The following PPM1G variants were observed in gnomAD, a reference collection of about 807,000 sequenced individuals.
PPM1G encodes protein phosphatase 1G.
In PPM1G, 12 loss-of-function variants were observed where a neutral mutation model predicts 59.4. The observed-to-expected ratio is 0.20, with a 90% CI of 0.13 to 0.33. The LOEUF (loss-of-function observed/expected upper bound fraction) is 0.33, where lower values mean the gene tolerates loss of function less well. Ranked by LOEUF, PPM1G falls within the 10% of genes least tolerant of loss-of-function variation. The probability of loss-of-function intolerance (pLI) is 1.00; values close to 1 mark genes in which losing one functional copy is unlikely to be tolerated. For synonymous variants in PPM1G, 245 were observed against 251.9 expected (o/e 0.97, Z 0.26); for missense variants, 392 against 681.3 (o/e 0.58, Z 4.73).
chr2:27,388,137 G>A (rs923773433), intron 1 of PPM1G, among the ~76,000 whole-genome samples: 6 of 152,042 alleles, frequency 3.9e-5, no homozygotes, highest in South Asian at 4.2e-4. Context: ...GAGGCCAGGC[G>A]TGGTGGCTCA....
chr2:27,402,936 T>A (rs1684220320), intron 1 of PPM1G, among the ~76,000 whole-genome samples: 1 of 139,124 alleles, frequency 7.2e-6, no homozygotes, highest in East Asian at 2.1e-4. Context: ...AAAAAAAAAA[T>A]TAGCCAGTCA....
At chr2:27,381,844 A>G (rs374330489) in intron 9 of PPM1G, 39 bp from the exon 10 acceptor site, 32 of 1,595,730 alleles carry the variant, frequency 2.0e-5, no homozygotes, top group Non-Finnish European at 2.4e-5. Context: ...ACAGGGTTTG[A>G]ACACCTTGCC....
rs1019446354 is a variant in PPM1G, at chr2:27,384,208, T to C, written c.826-116A>G. The C allele has an allele frequency of 4.0e-6, 6 of 1,508,778 alleles. No homozygotes were observed. Among genetic ancestry groups the C allele is most frequent in the Non-Finnish European group, 5.4e-6 (6 of 1,117,320 alleles). The allele number at this position is 1,508,778 out of a possible 1,614,324, so 93.5% of individuals were successfully genotyped here. ...CACAGGTCCTCAAAACACTGAAAGATACAAGTATATGGTCATGAAAATTGG... is the reference window on the plus strand; with the variant it reads ...CACAGGTCCTCAAAACACTGAAAGACACAAGTATATGGTCATGAAAATTGG... On this transcript the variant is annotated intron_variant, in intron 5 of 9. Transcript: ENST00000344034. The surrounding 1 kb of genome is among the most constrained non-coding windows in gnomAD (Gnocchi z 4.8).
chr2:27,385,123 C>G lies in PPM1G; in HGVS notation c.410-35G>C, dbSNP rs1259353291. The G allele has an allele frequency of 1.3e-6, 2 of 1,540,622 alleles. No homozygotes were observed. Among genetic ancestry groups the G allele is most frequent in the African/African-American group, 1.4e-5 (1 of 72,906 alleles). ...AGAGGCTAAATCAGAGCCCCCATGC[C>G]AGACTCCTCATGGGATCCGTCCCTC... On this transcript the variant is annotated intron_variant, in intron 4 of 9. Transcript: ENST00000344034. The surrounding 1 kb of genome is among the most constrained non-coding windows in gnomAD (Gnocchi z 4.1).
In PPM1G at chr2:27,385,140, C is replaced by T. The variant is rs1413749970; in HGVS notation, c.410-52G>A. The T allele has an allele frequency of 2.0e-6, 3 of 1,515,010 alleles. No homozygotes were observed. The highest frequency in any genetic ancestry group is 2.6e-6 in the Non-Finnish European group (3 of 1,138,066). 93.8% of individuals were successfully genotyped at this position (1,515,010 alleles called of 1,614,324 possible). A position where few individuals can be genotyped will look rare whatever the true frequency, so the allele number is the denominator to read the frequency against. ...CCCCATGCCAGACTCCTCATGGGATCCGTCCCTCTCACTACCTCAACAGCC... is the reference window on the plus strand; with the variant it reads ...CCCCATGCCAGACTCCTCATGGGATTCGTCCCTCTCACTACCTCAACAGCC... On this transcript the variant is annotated intron_variant, in intron 4 of 9. Transcript: ENST00000344034. This position sits in a 1 kb window ranked among gnomAD's most constrained non-coding sequence, Gnocchi z 4.1.
intron 1 of PPM1G, among the ~76,000 whole-genome samples, chr2:27,388,272 G>A (rs1016479874): frequency 9.3e-5 from 14 of 151,252 alleles, no homozygotes; most frequent in Non-Finnish European, 2.1e-4. Context: ...AGCCAGGCGT[G>A]GTGGTGTGCG....
In PPM1G at chr2:27,409,440, G is replaced by A. The variant is rs913871823; in HGVS notation, c.-18C>T. 2 of 1,499,866 alleles carry A rather than the reference G, an allele frequency of 1.3e-6. No individual in the cohort carries two copies. The highest frequency in any genetic ancestry group is 2.3e-5 in the Admixed American group (1 of 44,360). The allele number at this position is 1,499,866 out of a possible 1,614,324, so 92.9% of individuals were successfully genotyped here. On this transcript the variant is annotated 5_prime_UTR_variant, in exon 1 of 10. Coordinates refer to ENST00000344034, the MANE Select transcript of PPM1G (RefSeq NM_177983.3). The stretch of plus-strand genomic sequence containing the variant: ...GCACCCATGGCGGCGGCTGGCCGGC[G>A]GCCTCAGGTGCAGGAAAGCTGGGCG...
At chr2:27,397,961 G>A (rs1289371527) in intron 1 of PPM1G, among the ~76,000 whole-genome samples, 2 of 152,106 alleles carry the variant, frequency 1.3e-5, no homozygotes, top group African/African-American at 4.8e-5. Context: ...CAGTCAGCCA[G>A]GCACGGTGGC....
At chr2:27,387,237 T>C in intron 1 of PPM1G, 79 bp from the exon 2 acceptor site, 2 of 1,180,396 alleles carry the variant, frequency 1.7e-6, no homozygotes, top group Non-Finnish European at 2.5e-6. Flanking sequence ...TGTCACCCCT[T>C]ACTAACCTTT....
At chr2:27,409,208 G>A in intron 1 of PPM1G, 95 bp downstream of exon 1, 1 of 1,447,168 alleles carries the variant, frequency 6.9e-7, no homozygotes, top group Non-Finnish European at 9.1e-7. Context: ...GCTCCCAATT[G>A]GGACCCTTCC....
At chr2:27,393,081 C>T in intron 1 of PPM1G, 3 of 1,257,424 alleles carry the variant, frequency 2.4e-6, no homozygotes, top group Non-Finnish European at 3.5e-6. Context: ...GCTCTCCCAT[C>T]GCATTCTCCC....
chr2:27,382,014 G>T lies in PPM1G; in HGVS notation c.1434+112C>A. 1.7e-6 allele frequency: 2 copies of T among 1,154,660 alleles called. No homozygotes were observed. Among genetic ancestry groups the T allele is most frequent in the Non-Finnish European group, 2.5e-6 (2 of 785,000 alleles). 71.5% of individuals were successfully genotyped at this position (1,154,660 alleles called of 1,614,324 possible). ...TGGAACTTTGGAGTCGGGGTTTAGCGTCTGTCAGCAATTACTGATAATGCT... is the reference window on the plus strand; with the variant it reads ...TGGAACTTTGGAGTCGGGGTTTAGCTTCTGTCAGCAATTACTGATAATGCT... On this transcript the variant is annotated intron_variant, in intron 9 of 9. Coordinates refer to ENST00000344034, the MANE Select transcript of PPM1G (RefSeq NM_177983.3). The surrounding 1 kb of genome is among the most constrained non-coding windows in gnomAD (Gnocchi z 4.2).
intron 1 of PPM1G, among the ~76,000 whole-genome samples, chr2:27,391,724 CTTTT>C (rs1257019914): frequency 1.3e-5 from 2 of 150,122 alleles, no homozygotes; most frequent in Admixed American, 1.3e-4. Context: ...ACAGGATGTT[CTTTT>C]TTTCTTTCTT....
rs757622317 is a variant in PPM1G, at chr2:27,384,856, AAAGC to A, written c.638_641del (p.Gly213ValfsTer99). On this transcript the variant is annotated frameshift_variant, in exon 5 of 10. Transcript: ENST00000344034. LOFTEE classifies it high-confidence loss of function. This position sits in a 1 kb window ranked among gnomAD's most constrained non-coding sequence, Gnocchi z 4.8. ...CAGTCCCACGTTCCGAGTTGGAGGAAAAGCCTGTGTAGGCCTTGGCTGTGGGGCC... is the reference window on the plus strand; with the variant it reads ...CAGTCCCACGTTCCGAGTTGGAGGAACTGTGTAGGCCTTGGCTGTGGGGCC... 4.3e-6 allele frequency: 7 copies of A among 1,614,232 alleles called. No homozygotes were observed. The African/African-American group carries it at 6.7e-5, about 15-fold the overall frequency.
chr2:27,409,205 A>G lies in PPM1G; in HGVS notation c.120+98T>C, dbSNP rs1048348094. The G allele has an allele frequency of 1.5e-4, 217 of 1,443,558 alleles. 1 individual carries two copies. Among genetic ancestry groups the G allele is most frequent in the African/African-American group, 1.0e-3 (69 of 67,248 alleles). The allele number at this position is 1,443,558 out of a possible 1,614,324, so 89.4% of individuals were successfully genotyped here. On this transcript the variant is annotated intron_variant, in intron 1 of 9. Transcript: ENST00000344034. ...CGGCCGCTGCGGCCGCAGGCTCCCA[A>G]TTGGGACCCTTCCCAGGGGAGGACC...
At chr2:27,404,760 T>C (rs1051886727) in intron 1 of PPM1G, among the ~76,000 whole-genome samples, 2 of 151,074 alleles carry the variant, frequency 1.3e-5, no homozygotes, top group Admixed American at 1.3e-4. Context: ...CCGGCCAACA[T>C]AGTGAAACCC....
At chr2:27,404,981 A>C (rs899172696) in intron 1 of PPM1G, among the ~76,000 whole-genome samples, 1 of 151,286 alleles carries the variant, frequency 6.6e-6, no homozygotes. Context: ...CATCAACTGA[A>C]TCTATTTTCA....
intron 9 of PPM1G, 148 bp downstream of exon 9, chr2:27,381,978 A>C: frequency 9.9e-7 from 1 of 1,011,840 alleles, no homozygotes; most frequent in Non-Finnish European, 1.5e-6. Context: ...AGTCAGGGAA[A>C]TGACAGAAGG....
chr2:27,390,495 C>T (rs915670704), intron 1 of PPM1G, among the ~76,000 whole-genome samples: 11 of 152,078 alleles, frequency 7.2e-5, no homozygotes, highest in African/African-American at 2.7e-4. Flanking sequence ...GAGGTCAAGG[C>T]AGGAGGACTG....
Sources: allele counts gnomAD v4.1 joint callset (sites outside exome capture counted in the v4.1 genomes callset), GRCh38; gene constraint gnomAD v4.1.1; non-coding constraint Gnocchi (gnomAD v3.1); transcripts MANE v1.5; gene names NCBI Gene and HGNC (gene_info 2026-07-23, HGNC 2026-07-21).